UBE3C: variants seen among roughly 807,000 people sequenced by gnomAD.
UBE3C encodes the protein ubiquitin protein ligase E3C, also known as ubiquitin-protein ligase E3C.
Under a neutral mutation model 129.4 loss-of-function variants are expected in UBE3C, and 42 were observed. The observed-to-expected ratio is 0.32, with a 90% CI of 0.25 to 0.42. The LOEUF (loss-of-function observed/expected upper bound fraction) is 0.42, where lower values mean the gene tolerates loss of function less well. Among genes scored for constraint, UBE3C ranks in the 10% least tolerant of loss-of-function variants. The probability of loss-of-function intolerance (pLI) is 1.00; values close to 1 mark genes in which losing one functional copy is unlikely to be tolerated. For synonymous variants in UBE3C, 510 were observed against 492.4 expected, an observed-to-expected ratio of 1.04 and a Z score of -0.47; for missense variants, 1,049 against 1,319.1, an observed-to-expected ratio of 0.80 and a Z score of 3.17.
intron 1 of UBE3C, among the ~76,000 whole-genome samples, chr7:157,139,628 G>C (rs1030609275): frequency 6.6e-6 from 1 of 152,232 alleles, no homozygotes; most frequent in Admixed American, 6.5e-5. Context: ...TGGGGGCCTT[G>C]CCTGTCCACT....
At chr7:157,246,498 G>A (rs151055426) in intron 18 of UBE3C, among the ~76,000 whole-genome samples, 296 of 152,320 alleles carry the variant, frequency 1.9e-3, no homozygotes, top group Non-Finnish European at 3.9e-3. Context: ...ACTGTCTCAT[G>A]GATGAATGAC....
rs1469659824 is a variant in UBE3C, at chr7:157,207,442, T to C, written c.1463T>C (p.Met488Thr). 6.2e-7 allele frequency: 1 copy of C among 1,613,908 alleles called. No homozygotes were observed. Among genetic ancestry groups the C allele is most frequent in the Non-Finnish European group, 8.5e-7 (1 of 1,180,030 alleles). The change falls in exon 12 of 23, where the codon ATG (methionine) becomes ACG (threonine). Residue 488 changes from methionine to threonine, a missense_variant. This residue lies in a region of UBE3C where 314 missense variants were observed against 416.9 expected (regional missense o/e 0.75). Coordinates refer to ENST00000348165, the MANE Select transcript of UBE3C (RefSeq NM_014671.3). The part of the protein sequence containing the change: ...LLQVISRGSP[M>T]SFEDSSRIIP... The stretch of plus-strand genomic sequence containing the variant: ...CAGGTGATATCCAGGGGTTCTCCTA[T>C]GTCTTTTGAAGATTCTAGTCGAATC...
chr7:157,207,687 G>T lies in UBE3C; in HGVS notation c.1577-16G>T. 6.2e-7 allele frequency: 1 copy of T among 1,606,874 alleles called. No individual in the cohort carries two copies. Among genetic ancestry groups the T allele is most frequent in the South Asian group, 1.1e-5 (1 of 89,542 alleles). ...ATGGAAAAAGAAACAATAGAAAACT[G>T]GATTGTGTTTTTTAGTTGTAGGTCA... On this transcript the variant is annotated splice_polypyrimidine_tract_variant and intron_variant, in intron 12 of 22. Coordinates refer to ENST00000348165, the MANE Select transcript of UBE3C (RefSeq NM_014671.3).
At position 157,231,082 on chromosome 7, in the gene UBE3C, C is replaced by T. The variant is rs776215139; in HGVS notation, c.2236C>T (p.Pro746Ser). 3 of 1,611,722 alleles carry T rather than the reference C, an allele frequency of 1.9e-6. No individual in the cohort carries two copies. In the South Asian group the frequency reaches 3.3e-5, roughly 18 times the overall value. ...AYDKLSPENE[P>S]DLKKRIRVHL... ...ACCCTCCCATTTTTTTTTAACAGAG[C>T]CTGATTTGAAAAAGCGGATCCGTGT... The change falls in exon 18 of 23, where the codon CCT (proline) becomes TCT (serine). Residue 746 changes from proline to serine, a missense_variant and splice_region_variant. Around this residue, in one of 4 missense-constraint regions of UBE3C, gnomAD observed 314 missense variants for 416.9 expected, o/e 0.75. Transcript: ENST00000348165.
At chr7:157,235,095 G>A (rs1413513650) in intron 18 of UBE3C, among the ~76,000 whole-genome samples, 1 of 152,144 alleles carries the variant, frequency 6.6e-6, no homozygotes, top group Admixed American at 6.5e-5. Flanking sequence ...AGAGGCTGAG[G>A]CAGGATAATG....
At chr7:157,258,977 A>G (rs1354754203) in intron 22 of UBE3C, among the ~76,000 whole-genome samples, 2 of 152,200 alleles carry the variant, frequency 1.3e-5, no homozygotes, top group African/African-American at 4.8e-5. Context: ...GGTCTTCCCT[A>G]AATATCTCAG....
chr7:157,217,322 A>AT (rs71189989), intron 14 of UBE3C: 9,770 of 155,578 alleles, frequency 0.063, 265 homozygotes, highest in Non-Finnish European at 0.082. Flanking sequence ...AATTTTTGTG[A>AT]TTTTTTTTTT....
At chr7:157,245,868 G>A (rs1796458843) in intron 18 of UBE3C, among the ~76,000 whole-genome samples, 1 of 151,944 alleles carries the variant, frequency 6.6e-6, no homozygotes, top group South Asian at 2.1e-4. Context: ...GTGCACGCCT[G>A]TAGTCCCAGC....
intron 22 of UBE3C, among the ~76,000 whole-genome samples, chr7:157,258,151 T>C (rs1035078269): frequency 7.9e-5 from 12 of 152,136 alleles, no homozygotes; most frequent in African/African-American, 2.9e-4. Context: ...TTCACTGTAT[T>C]CCCCAGGCTG....
At chr7:157,180,988 A>G (rs1405420081) in intron 6 of UBE3C, among the ~76,000 whole-genome samples, 1 of 152,238 alleles carries the variant, frequency 6.6e-6, no homozygotes, top group Non-Finnish European at 1.5e-5. Flanking sequence ...GGTCAGGACT[A>G]CAGTGGAATG....
intron 14 of UBE3C, 86 bp from the exon 15 acceptor site, chr7:157,220,602 GT>G: frequency 6.6e-7 from 1 of 1,509,266 alleles, no homozygotes; most frequent in East Asian, 2.3e-5. Flanking sequence ...GTAGAGAAAT[GT>G]CCAGCACCAA....
chr7:157,226,304 G>A (rs181194663), intron 17 of UBE3C, among the ~76,000 whole-genome samples: 2 of 152,278 alleles, frequency 1.3e-5, no homozygotes, highest in East Asian at 3.9e-4. Flanking sequence ...GAATTATACT[G>A]TGATAGCATT....
intron 22 of UBE3C, among the ~76,000 whole-genome samples, chr7:157,265,246 C>T (rs190290005): frequency 6.7e-4 from 102 of 152,294 alleles, no homozygotes; most frequent in African/African-American, 2.2e-3. Flanking sequence ...CTCTGAAACC[C>T]GTGCCAGATA....
chr7:157,142,987 C>T (rs567802751), intron 1 of UBE3C, among the ~76,000 whole-genome samples: 1 of 152,072 alleles, frequency 6.6e-6, no homozygotes, highest in Non-Finnish European at 1.5e-5. Context: ...CCTGCCTCAG[C>T]TTCCCGGGTA....
intron 13 of UBE3C, among the ~76,000 whole-genome samples, chr7:157,209,108 T>A (rs1200830522): frequency 6.6e-6 from 1 of 152,220 alleles, no homozygotes; most frequent in Non-Finnish European, 1.5e-5. Flanking sequence ...TTCTTGGCCA[T>A]GTTTGGAGAA....
At chr7:157,217,353 GT>G (rs1315671314) in intron 14 of UBE3C, 1 of 166,290 alleles carries the variant, frequency 6.0e-6, no homozygotes, top group Admixed American at 6.5e-5. Flanking sequence ...ATCTTGCTAT[GT>G]TTGCCCGTGG....
At position 157,267,829 on chromosome 7, in the gene UBE3C, G is replaced by A. The variant is rs1246794209; in HGVS notation, c.*74G>A. On this transcript the variant is annotated 3_prime_UTR_variant, in exon 23 of 23. Coordinates refer to ENST00000348165, the MANE Select transcript of UBE3C (RefSeq NM_014671.3). ...CAGCAGCGCCTCCCCAGACCCACGA[G>A]GATACTCACACTGCACGCCTGAGGC... is the stretch of plus-strand genomic sequence containing the variant. The A allele has an allele frequency of 2.2e-6, 3 of 1,356,540 alleles. No individual in the cohort carries two copies. Among genetic ancestry groups the A allele is most frequent in the Non-Finnish European group, 3.0e-6 (3 of 1,009,786 alleles). The allele number at this position is 1,356,540 out of a possible 1,614,324, so 84.0% of individuals were successfully genotyped here.
At chr7:157,234,442 T>A (rs1796102241) in intron 18 of UBE3C, among the ~76,000 whole-genome samples, 1 of 152,242 alleles carries the variant, frequency 6.6e-6, no homozygotes, top group Non-Finnish European at 1.5e-5. Context: ...CCTTATGCAG[T>A]ATGGTCTTGA....
chr7:157,202,587 G>T (rs1368392437), intron 11 of UBE3C, among the ~76,000 whole-genome samples: 1 of 152,178 alleles, frequency 6.6e-6, no homozygotes, highest in Non-Finnish European at 1.5e-5. Context: ...AACCTGGAAG[G>T]CGGAGGTTGC....
Sources: gnomAD v4.1 joint callset for allele counts (sites outside exome capture counted in the v4.1 genomes callset) on GRCh38, gnomAD v4.1.1 for gene constraint, gnomAD v4.1.1 regional missense constraint, MANE v1.5 for transcripts, NCBI Gene and HGNC (gene_info 2026-07-23, HGNC 2026-07-21) for gene names.